Variants in SEL1L observed in about 807,000 individuals in gnomAD.
The protein encoded by SEL1L is protein sel-1 homolog 1.
SEL1L carries 52 observed loss-of-function variants against 109.8 expected under a neutral mutation model. The ratio of observed to expected loss-of-function variants is 0.47; its 90% CI spans 0.38 to 0.60. SEL1L has a LOEUF of 0.60. Ranked by LOEUF, SEL1L falls within the 20% of genes least tolerant of loss-of-function variation. The pLI, the probability that SEL1L is intolerant of heterozygous loss-of-function variation, is 0.00. For synonymous variants in SEL1L, 373 were observed against 339.6 expected (o/e 1.10, Z -1.08); for missense variants, 749 against 962.2 (o/e 0.78, Z 2.93).
chr14:81,479,492 G>A, intron 20 of SEL1L, 120 bp downstream of exon 20: 1 of 986,894 alleles, frequency 1.0e-6, no homozygotes, highest in Non-Finnish European at 1.4e-6. Context: ...GAGGAGAAGG[G>A]AACACACCCG....
In SEL1L at chr14:81,533,847, G is replaced by A. The variant is rs1016571546; in HGVS notation, c.-103C>T. ...CCTCGCCGCTGCTCTTCCTGCTCTA[G>A]TCTCCTTCCTCCGCCCCTTCCCAGG... is the stretch of plus-strand genomic sequence containing the variant. On this transcript the variant is annotated 5_prime_UTR_variant, in exon 1 of 21. Coordinates refer to ENST00000336735, the MANE Select transcript of SEL1L (RefSeq NM_005065.6). 67 of 1,213,102 alleles carry A rather than the reference G, an allele frequency of 5.5e-5. No individual in the cohort carries two copies. The African/African-American group carries it at 8.8e-4, about 16-fold the overall frequency. The allele number at this position is 1,213,102 out of a possible 1,614,324, so 75.1% of individuals were successfully genotyped here. A position where few individuals can be genotyped will look rare whatever the true frequency, so the allele number is the denominator to read the frequency against.
chr14:81,504,205 T>C lies in SEL1L; in HGVS notation c.610A>G (p.Arg204Gly). The C allele has an allele frequency of 6.3e-7, 1 of 1,582,420 alleles. No individual in the cohort carries two copies. Among genetic ancestry groups the C allele is most frequent in the South Asian group, 1.1e-5 (1 of 87,020 alleles). ...GGACTTAGCAGTGCTACCTACTCTC[T>C]TTTTTGGCTTTTCTTATTGCTTCCA... ...LNGSNKKSQKREAYRYLQKAA... is the reference protein window; with the variant it reads ...LNGSNKKSQKGEAYRYLQKAA... The change falls in exon 5 of 21, where the codon AGA becomes GGA. Residue 204 changes from arginine (R) to glycine (G), a missense_variant. Physicochemically the swap from Arg to Gly is moderately radical, Grantham distance 125 (BLOSUM62 -2). This residue lies in a region of SEL1L where 366 missense variants were observed against 399.8 expected (regional missense o/e 0.92). Transcript: ENST00000336735.
chr14:81,501,074 A>G (rs1403920124), intron 6 of SEL1L, among the ~76,000 whole-genome samples: 28 of 152,120 alleles, frequency 1.8e-4, no homozygotes, highest in Non-Finnish European at 1.5e-5. Context: ...GCCTGAAAAC[A>G]CCCTAATGAA....
chr14:81,506,353 G>T, intron 3 of SEL1L, 112 bp from the exon 4 acceptor site: 1 of 878,092 alleles, frequency 1.1e-6, no homozygotes, highest in South Asian at 1.9e-5. Context: ...CATGATGCCT[G>T]ATTTGTAACT....
chr14:81,526,655 C>G, intron 3 of SEL1L, 78 bp downstream of exon 3: 1 of 1,040,508 alleles, frequency 9.6e-7, no homozygotes, highest in South Asian at 1.3e-5. Context: ...CAGTCTTCTT[C>G]AGCCTCTTTA....
chr14:81,511,194 T>C (rs547142206), intron 3 of SEL1L, among the ~76,000 whole-genome samples: 3 of 152,182 alleles, frequency 2.0e-5, no homozygotes, highest in Non-Finnish European at 4.4e-5. Context: ...ACTTTACAGA[T>C]TAAAATGTAT....
At chr14:81,488,515 C>G (rs957510735) in intron 14 of SEL1L, among the ~76,000 whole-genome samples, 1 of 152,012 alleles carries the variant, frequency 6.6e-6, no homozygotes, top group Non-Finnish European at 1.5e-5. Flanking sequence ...AAACCTAGCT[C>G]TTAGTTTCAG....
intron 3 of SEL1L, among the ~76,000 whole-genome samples, chr14:81,515,131 A>G (rs1033643588): frequency 2.0e-5 from 3 of 152,164 alleles, no homozygotes; most frequent in African/African-American, 4.8e-5. Flanking sequence ...GGAAACAAGC[A>G]AAGAAATCTC....
At chr14:81,511,476 G>A (rs1884474696) in intron 3 of SEL1L, among the ~76,000 whole-genome samples, 1 of 152,206 alleles carries the variant, frequency 6.6e-6, no homozygotes, top group Non-Finnish European at 1.5e-5. Flanking sequence ...AAAGACACGT[G>A]AGTTTTCAAA....
chr14:81,479,602 GACCACTTAC>G lies in SEL1L; in HGVS notation c.2175+1_2175+9del. The G allele has an allele frequency of 6.2e-7, 1 of 1,601,198 alleles. No individual in the cohort carries two copies. Among genetic ancestry groups the G allele is most frequent in the Non-Finnish European group, 8.5e-7 (1 of 1,175,662 alleles). ...TTATATTTTAATGAAAAGAGGTACG[GACCACTTAC>G]GTTTGTTTCCCGTATGTACTGCAAG... On this transcript the variant is annotated splice_donor_variant and splice_donor_5th_base_variant and intron_variant, in intron 20 of 20. Transcript: ENST00000336735. LOFTEE classifies it high-confidence loss of function.
At chr14:81,481,797 C>A (rs112827495) in intron 19 of SEL1L, among the ~76,000 whole-genome samples, 11 of 152,246 alleles carry the variant, frequency 7.2e-5, no homozygotes, top group African/African-American at 2.6e-4. Flanking sequence ...CTTTGGGAGA[C>A]CGAGGCAGGT....
Position 81,476,863 on chromosome 14 carries a change from G to A in SEL1L, c.*109C>T, listed in dbSNP as rs11847047. 13,286 of 1,033,130 alleles carry A rather than the reference G, an allele frequency of 0.013. 844 individuals carry two copies. In the African/African-American group the frequency reaches 0.16, roughly 12 times the overall value. The allele number at this position is 1,033,130 out of a possible 1,614,324, so 64.0% of individuals were successfully genotyped here. ...TAGGAATTCAATGCTTCCTTGTGCCGTGCCTCTTCTGGGAGGTGACCACTG... is the reference window on the plus strand; with the variant it reads ...TAGGAATTCAATGCTTCCTTGTGCCATGCCTCTTCTGGGAGGTGACCACTG... On this transcript the variant is annotated 3_prime_UTR_variant, in exon 21 of 21. Coordinates refer to ENST00000336735, the MANE Select transcript of SEL1L (RefSeq NM_005065.6).
At chr14:81,509,288 C>G (rs1280583208) in intron 3 of SEL1L, among the ~76,000 whole-genome samples, 5 of 152,132 alleles carry the variant, frequency 3.3e-5, no homozygotes, top group African/African-American at 9.7e-5. Context: ...TTTTAAAAAC[C>G]TCCACCAGAA....
chr14:81,480,198 A>T (rs558457758), intron 19 of SEL1L, among the ~76,000 whole-genome samples: 10 of 148,742 alleles, frequency 6.7e-5, no homozygotes, highest in Admixed American at 2.0e-4. Flanking sequence ...ATTCTTTTTT[A>T]TTTTTTTTTT....
At chr14:81,509,417 T>A (rs1175721146) in intron 3 of SEL1L, among the ~76,000 whole-genome samples, 1 of 152,174 alleles carries the variant, frequency 6.6e-6, no homozygotes, top group Middle Eastern at 3.2e-3. Context: ...GAAAAATGGG[T>A]TCTCAGTTCT....
chr14:81,516,396 T>C (rs1884703035), intron 3 of SEL1L, among the ~76,000 whole-genome samples: 2 of 152,222 alleles, frequency 1.3e-5, no homozygotes, highest in African/African-American at 4.8e-5. Context: ...ATTGGGAGAC[T>C]TTGCTCTTTT....
intron 5 of SEL1L, among the ~76,000 whole-genome samples, chr14:81,503,183 G>A (rs1884085159): frequency 6.6e-6 from 1 of 151,870 alleles, no homozygotes; most frequent in Non-Finnish European, 1.5e-5. Context: ...GTAGAGACGG[G>A]GTTTCACCAT....
At chr14:81,478,274 T>C (rs1172383251) in intron 20 of SEL1L, among the ~76,000 whole-genome samples, 2 of 152,170 alleles carry the variant, frequency 1.3e-5, no homozygotes. Context: ...TGGGGAAGAA[T>C]CTGGGATGGG....
chr14:81,506,286 T>G, intron 3 of SEL1L, 45 bp from the exon 4 acceptor site: 1 of 1,463,148 alleles, frequency 6.8e-7, no homozygotes, highest in Non-Finnish European at 9.1e-7. Flanking sequence ...ACAACACCTC[T>G]GGTATTCATG....
Sources: allele counts gnomAD v4.1 joint callset (sites outside exome capture counted in the v4.1 genomes callset), GRCh38; gene constraint gnomAD v4.1.1; regional missense constraint gnomAD v4.1.1; transcripts MANE v1.5; gene names NCBI Gene and HGNC (gene_info 2026-07-23, HGNC 2026-07-21).